Variants in REXO5 observed in about 807,000 individuals in gnomAD.
REXO5 encodes the protein exonuclease NEF-sp.
Under a neutral mutation model 88.5 loss-of-function variants are expected in REXO5, and 48 were observed. That is an observed-to-expected ratio of 0.54 (90% CI 0.43 to 0.69). The LOEUF (loss-of-function observed/expected upper bound fraction) is 0.69, where lower values mean the gene tolerates loss of function less well. REXO5 is among the 30% of genes least tolerant of loss of function. The pLI is 0.00. For synonymous variants in REXO5, 311 were observed against 336.5 expected, an observed-to-expected ratio of 0.92 and a Z score of 0.83; for missense variants, 749 against 912.2, an observed-to-expected ratio of 0.82 and a Z score of 2.30.
intron 5 of REXO5, among the ~76,000 whole-genome samples, chr16:20,817,998 T>G (rs373018825): frequency 6.6e-6 from 1 of 152,208 alleles, no homozygotes; most frequent in African/African-American, 2.4e-5. Context: ...GTGTCATTTT[T>G]CTCTAAGACA....
chr16:20,820,448 C>T (rs2081151691), intron 5 of REXO5, among the ~76,000 whole-genome samples: 1 of 138,800 alleles, frequency 7.2e-6, no homozygotes, highest in African/African-American at 2.7e-5. Flanking sequence ...TTTCTCCAAC[C>T]CTTTCATAGC....
intron 1 of REXO5, 85 bp downstream of exon 1, chr16:20,806,790 G>T (rs1469378135): frequency 1.8e-5 from 22 of 1,230,092 alleles, no homozygotes; most frequent in Non-Finnish European, 2.4e-5. Flanking sequence ...TGGCACCTTC[G>T]CTTTTTTAGG....
intron 14 of REXO5, chr16:20,840,085 A>G (rs939480942): frequency 5.7e-6 from 3 of 527,166 alleles, no homozygotes; most frequent in East Asian, 5.8e-5. Context: ...ATCTTTCTGT[A>G]TCACTACATA....
intron 19 of REXO5, among the ~76,000 whole-genome samples, chr16:20,848,904 C>T (rs2152514422): frequency 6.6e-6 from 1 of 152,318 alleles, no homozygotes; most frequent in East Asian, 1.9e-4. Context: ...GATCTAATGA[C>T]AGATTGCTAT....
Position 20,832,169 on chromosome 16 carries a change from A to G in REXO5, c.1172A>G (p.Asn391Ser), listed in dbSNP as rs149733573. 9.3e-6 allele frequency: 15 copies of G among 1,608,844 alleles called. No homozygotes were observed. Among genetic ancestry groups the G allele is most frequent in the Non-Finnish European group, 1.2e-5 (14 of 1,177,194 alleles). The change falls in exon 12 of 20, where the codon AAT (asparagine) becomes AGT (serine). Residue 391 changes from asparagine (N) to serine (S), a missense_variant. Asn to Ser is a conservative substitution (Grantham distance 46, BLOSUM62 1). Transcript: ENST00000261377. Reference sequence around the variant, plus strand: ...GTTTTCTTCAAGATTGCAGAACTAAATCTAGAAGCACTAGCTAATCACCAA... The same window carrying G: ...GTTTTCTTCAAGATTGCAGAACTAAGTCTAGAAGCACTAGCTAATCACCAA... ...KHGPKKIAEL[N>S]LEALANHQEI...
chr16:20,808,057 C>CT (rs1432622366), intron 2 of REXO5, among the ~76,000 whole-genome samples: 1 of 152,146 alleles, frequency 6.6e-6, no homozygotes, highest in African/African-American at 2.4e-5. Flanking sequence ...ATTGTGAGCC[C>CT]TATTGTGAAC....
At chr16:20,839,937 C>T in intron 14 of REXO5, 78 bp downstream of exon 14, 2 of 841,224 alleles carry the variant, frequency 2.4e-6, no homozygotes, top group African/African-American at 1.7e-5. Context: ...GTAATACATG[C>T]TTTATTTAAT....
At chr16:20,832,472 G>A (rs2081360519) in intron 12 of REXO5, among the ~76,000 whole-genome samples, 1 of 148,854 alleles carries the variant, frequency 6.7e-6, no homozygotes, top group Non-Finnish European at 1.5e-5. Flanking sequence ...CTAGTGGCTG[G>A]TCTAAAATGA....
At chr16:20,848,413 T>C (rs1228810644) in intron 19 of REXO5, among the ~76,000 whole-genome samples, 2 of 152,172 alleles carry the variant, frequency 1.3e-5, no homozygotes, top group South Asian at 2.1e-4. Context: ...TTGGTTGAGG[T>C]TGTCAGAATC....
At chr16:20,809,179 A>G (rs1258473838) in intron 2 of REXO5, among the ~76,000 whole-genome samples, 1 of 152,220 alleles carries the variant, frequency 6.6e-6, no homozygotes, top group Non-Finnish European at 1.5e-5. Flanking sequence ...AGTTGTAAGA[A>G]TAGTATCAAA....
chr16:20,840,394 C>G lies in REXO5; in HGVS notation c.1552C>G (p.Leu518Val). The G allele has an allele frequency of 1.3e-6, 2 of 1,588,406 alleles. No homozygotes were observed. The highest frequency in any genetic ancestry group is 1.7e-4 in the Middle Eastern group (1 of 5,968). ...YAGPFSKNCN[L>V]RALKRLFKSF... ...TGGGCCATTTAGCAAAAATTGCAAT[C>G]TCAGGGCTCTGAAGAGGCTGTTTAA... Residue 518 changes from leucine to valine, a missense_variant, in exon 15 of 20, where the codon CTC (leucine) becomes GTC (valine). Physicochemically the swap from Leu to Val is conservative, Grantham distance 32. Coordinates refer to ENST00000261377, the MANE Select transcript of REXO5 (RefSeq NM_030941.3).
chr16:20,811,031 ACTGCCCTCC>A (rs1434278300), intron 2 of REXO5, among the ~76,000 whole-genome samples: 3 of 152,136 alleles, frequency 2.0e-5, no homozygotes, highest in African/African-American at 7.2e-5. Flanking sequence ...GTCAGGACTC[ACTGCCCTCC>A]CTTCCTTCCT....
chr16:20,821,971 GT>G (rs1329066080), intron 6 of REXO5, 69 bp downstream of exon 6: 1 of 1,400,334 alleles, frequency 7.1e-7, no homozygotes, highest in African/African-American at 1.5e-5. Context: ...AAATACTACT[GT>G]TTGAGATTCA....
intron 16 of REXO5, 46 bp downstream of exon 16, chr16:20,844,072 A>G: frequency 8.6e-7 from 1 of 1,161,418 alleles, no homozygotes; most frequent in Non-Finnish European, 1.3e-6. Flanking sequence ...CTGGCCTACC[A>G]CAGCCTGTAT....
chr16:20,833,981 C>G (rs2081386444), intron 13 of REXO5, among the ~76,000 whole-genome samples: 1 of 152,132 alleles, frequency 6.6e-6, no homozygotes, highest in South Asian at 2.1e-4. Flanking sequence ...TCATGTATTA[C>G]AATTACTTGT....
intron 2 of REXO5, chr16:20,808,955 G>A (rs1426421425): frequency 6.6e-6 from 1 of 151,310 alleles, no homozygotes; most frequent in Non-Finnish European, 1.5e-5. Flanking sequence ...CCAACTCCTG[G>A]GATCAGGAGA....
At chr16:20,821,684 C>G (rs1209842511) in intron 5 of REXO5, 78 bp from the exon 6 acceptor site, 4 of 1,340,814 alleles carry the variant, frequency 3.0e-6, no homozygotes, top group Non-Finnish European at 4.0e-6. Flanking sequence ...TGTGCTTAGC[C>G]TATACAACCT....
chr16:20,830,346 C>G (rs2152506834), intron 11 of REXO5, among the ~76,000 whole-genome samples: 2 of 151,994 alleles, frequency 1.3e-5, no homozygotes, highest in East Asian at 3.9e-4. Context: ...GCCACCACAC[C>G]TTGCTAATTT....
chr16:20,824,290 T>C (rs1361020509), intron 6 of REXO5, 149 bp from the exon 7 acceptor site: 9 of 550,594 alleles, frequency 1.6e-5, no homozygotes, highest in Admixed American at 1.3e-4. Context: ...ACAGAGATTG[T>C]ATCTTATTTA....
Sources: gnomAD v4.1 joint callset for allele counts (sites outside exome capture counted in the v4.1 genomes callset) on GRCh38, gnomAD v4.1.1 for gene constraint, MANE v1.5 for transcripts, NCBI Gene and HGNC (gene_info 2026-07-23, HGNC 2026-07-21) for gene names.